The following SHISA5 variants were observed in gnomAD, a reference collection of about 807,000 sequenced individuals.
SHISA5 encodes the protein shisa family member 5, also known as protein shisa-5.
SHISA5 carries 21 observed loss-of-function variants against 27.5 expected under a neutral mutation model. The observed-to-expected ratio is 0.76, with a 90% CI of 0.54 to 1.10. The LOEUF (loss-of-function observed/expected upper bound fraction) is 1.10, where lower values mean the gene tolerates loss of function less well. Ranked by LOEUF, SHISA5 falls within the 50% of genes least tolerant of loss-of-function variation. The pLI, the probability that SHISA5 is intolerant of heterozygous loss-of-function variation, is 0.00. For synonymous variants in SHISA5, 137 were observed against 142.2 expected (o/e 0.96, Z 0.26); for missense variants, 314 against 336.3 (o/e 0.93, Z 0.52).
chr3:48,492,116 C>CCA (rs2041446399), intron 2 of SHISA5, among the ~76,000 whole-genome samples: 1 of 133,772 alleles, frequency 7.5e-6, no homozygotes, highest in South Asian at 2.3e-4. Context: ...TTGTGCCACT[C>CCA]CACTCCAGCC....
At chr3:48,498,150 A>C (rs1490035527) in intron 2 of SHISA5, among the ~76,000 whole-genome samples, 2 of 152,220 alleles carry the variant, frequency 1.3e-5, no homozygotes, top group African/African-American at 4.8e-5. Context: ...ATTTGACATA[A>C]TTCAACATCC....
In SHISA5 at chr3:48,469,856, T is replaced by C; in HGVS notation, c.315-13A>G. 1 of 1,610,356 alleles carries C rather than the reference T, an allele frequency of 6.2e-7. No homozygotes were observed. The highest frequency in any genetic ancestry group is 1.7e-5 in the Admixed American group (1 of 59,270). On this transcript the variant is annotated splice_polypyrimidine_tract_variant and intron_variant, in intron 3 of 5. Coordinates refer to ENST00000296444, the MANE Select transcript of SHISA5 (RefSeq NM_016479.6). This position sits in a 1 kb window ranked among gnomAD's most constrained non-coding sequence, Gnocchi z 4.6. ...GGTCGCTCCGAACCTGCCAAAGAGC[T>C]AGACGTGACCCGGGGCACCTCGCCC...
At chr3:48,478,167 C>T (rs2040884074) in intron 3 of SHISA5, among the ~76,000 whole-genome samples, 1 of 152,232 alleles carries the variant, frequency 6.6e-6, no homozygotes, top group Non-Finnish European at 1.5e-5. Context: ...ACAGCCGCTC[C>T]TGGGCTCCTG....
chr3:48,478,270 G>A (rs541695728), intron 3 of SHISA5, among the ~76,000 whole-genome samples: 42 of 152,258 alleles, frequency 2.8e-4, no homozygotes, highest in Admixed American at 1.8e-3. Flanking sequence ...CCTCCTCCAC[G>A]CACAGGAGCC....
At position 48,468,405 on chromosome 3, in the gene SHISA5, T is replaced by G; in HGVS notation, c.*702A>C. On this transcript the variant is annotated 3_prime_UTR_variant, in exon 6 of 6. Coordinates refer to ENST00000296444, the MANE Select transcript of SHISA5 (RefSeq NM_016479.6). ...TGTGTGCATGTGGCCCTCCAGCTGGTCCCAGGGGAGATGCGGGGACAGGGG... is the reference window on the plus strand; with the variant it reads ...TGTGTGCATGTGGCCCTCCAGCTGGGCCCAGGGGAGATGCGGGGACAGGGG... The G allele has an allele frequency of 9.0e-7, 1 of 1,111,244 alleles. No homozygotes were observed. Among genetic ancestry groups the G allele is most frequent in the Non-Finnish European group, 1.1e-6 (1 of 902,678 alleles). The allele number at this position is 1,111,244 out of a possible 1,614,324, so 68.8% of individuals were successfully genotyped here.
At chr3:48,484,842 G>T (rs1202713920) in intron 2 of SHISA5, among the ~76,000 whole-genome samples, 1 of 152,178 alleles carries the variant, frequency 6.6e-6, no homozygotes, top group Non-Finnish European at 1.5e-5. Flanking sequence ...GCAGTGAGCC[G>T]AGATGGCGCC....
Position 48,502,060 on chromosome 3 carries a change from G to A in SHISA5, c.77-767C>T, listed in dbSNP as rs139516920. ...TATTTTTTAGTACAGACAGAGTTTC[G>A]CCATGTTGGCCAGGCTGGTCTTGAA... On this transcript the variant is annotated intron_variant, in intron 1 of 5. Transcript: ENST00000296444. Among the ~76,000 whole-genome samples the A allele has an allele frequency of 3.2e-3, 492 of 152,018 alleles. 1 individual carries two copies. The highest frequency in any genetic ancestry group is 4.5e-3 in the Non-Finnish European group (305 of 67,950).
chr3:48,482,952 G>T (rs1304759816), intron 2 of SHISA5, among the ~76,000 whole-genome samples: 1 of 150,524 alleles, frequency 6.6e-6, no homozygotes, highest in Non-Finnish European at 1.5e-5. Flanking sequence ...TTGACACAGG[G>T]TCTCATCTGT....
chr3:48,471,937 C>G (rs2040642260), intron 3 of SHISA5, among the ~76,000 whole-genome samples: 1 of 150,934 alleles, frequency 6.6e-6, no homozygotes, highest in Non-Finnish European at 1.5e-5. Flanking sequence ...GGTGGCAACA[C>G]TTCTAGAGGC....
intron 2 of SHISA5, among the ~76,000 whole-genome samples, chr3:48,479,976 T>C (rs1438578181): frequency 4.0e-5 from 6 of 150,736 alleles, no homozygotes; most frequent in Non-Finnish European, 7.4e-5. Context: ...CGATCTCGGC[T>C]CACTGCAAGC....
At position 48,469,346 on chromosome 3, in the gene SHISA5, G is replaced by A; in HGVS notation, c.643+15C>T. ...CGGGAAGTCGGGCAGGGCTAGAGTT[G>A]GCAGGGGCACTCACCAGCCAGGGTC... On this transcript the variant is annotated intron_variant, in intron 5 of 5. Transcript: ENST00000296444. The surrounding 1 kb of genome is among the most constrained non-coding windows in gnomAD (Gnocchi z 4.6). 6.3e-7 allele frequency: 1 copy of A among 1,577,016 alleles called. No individual in the cohort carries two copies. The highest frequency in any genetic ancestry group is 8.6e-7 in the Non-Finnish European group (1 of 1,159,562).
Position 48,469,832 on chromosome 3 carries a change from G to T in SHISA5, c.326C>A (p.Thr109Asn). 18 of 1,613,640 alleles carry T rather than the reference G, an allele frequency of 1.1e-5. No individual in the cohort carries two copies. Among genetic ancestry groups the T allele is most frequent in the Non-Finnish European group, 1.5e-5 (18 of 1,179,792 alleles). Residue 109 changes from threonine to asparagine, a missense_variant, in exon 4 of 6, where the codon ACC becomes AAC. By Grantham distance (65) the Thr-to-Asn change is moderately conservative (BLOSUM62 0). Coordinates refer to ENST00000296444, the MANE Select transcript of SHISA5 (RefSeq NM_016479.6). This position sits in a 1 kb window ranked among gnomAD's most constrained non-coding sequence, Gnocchi z 4.6. ...AAAGATGGTCAGGCCAACGGCCAAGGTCGCTCCGAACCTGCCAAAGAGCTA... is the reference window on the plus strand; with the variant it reads ...AAAGATGGTCAGGCCAACGGCCAAGTTCGCTCCGAACCTGCCAAAGAGCTA... ...YNDPMSGFGA[T>N]LAVGLTIFVL...
chr3:48,499,286 T>C (rs2041679361), intron 2 of SHISA5, among the ~76,000 whole-genome samples: 1 of 152,116 alleles, frequency 6.6e-6, no homozygotes, highest in African/African-American at 2.4e-5. Context: ...GTGATCCTCC[T>C]ACCTCAGCTT....
At position 48,495,001 on chromosome 3, in the gene SHISA5, C is replaced by T. The variant is rs953340369; in HGVS notation, c.233+6136G>A. On this transcript the variant is annotated intron_variant, in intron 2 of 5. Transcript: ENST00000296444. ...TTTTTTTTCTTTTTAGAGACTGAGT[C>T]TTGCTATGTTGCCCAGGCTAGCCTC... Among the ~76,000 whole-genome samples, 266 of 146,438 alleles carry T rather than the reference C, an allele frequency of 1.8e-3. 43 individuals are homozygous for T. The highest frequency in any genetic ancestry group is 6.8e-3 in the African/African-American group (249 of 36,606).
intron 1 of SHISA5, chr3:48,503,788 G>A: frequency 8.0e-7 from 1 of 1,255,032 alleles, no homozygotes; most frequent in South Asian, 3.0e-5. Flanking sequence ...ACCGTTCCAG[G>A]ACAGACAAAG....
At position 48,470,835 on chromosome 3, in the gene SHISA5, G is replaced by T. The variant is rs945979041; in HGVS notation, c.315-992C>A. Reference sequence around the variant, plus strand: ...CCAGCTACTTGGGAGGCTGAGGCAGGAGAATCGCTTGAACCCGAGAGGCAG... The same window carrying T: ...CCAGCTACTTGGGAGGCTGAGGCAGTAGAATCGCTTGAACCCGAGAGGCAG... On this transcript the variant is annotated intron_variant, in intron 3 of 5. Transcript: ENST00000296444. The surrounding 1 kb of genome is among the most constrained non-coding windows in gnomAD (Gnocchi z 4.3). Among the ~76,000 whole-genome samples the T allele has an allele frequency of 2.0e-5, 3 of 152,002 alleles. No individual in the cohort carries two copies. The highest frequency in any genetic ancestry group is 4.4e-5 in the Non-Finnish European group (3 of 67,996).
Position 48,473,217 on chromosome 3 carries a change from GC to G in SHISA5, c.315-3375del. ...ACAGGATGGCCCCGCCCAGCAGCCG[GC>G]TAGCAGCCAAGGAGCCAAGGGGCGG... On this transcript the variant is annotated intron_variant, in intron 3 of 5. Transcript: ENST00000296444. The surrounding 1 kb of genome is among the most constrained non-coding windows in gnomAD (Gnocchi z 4.3). The G allele has an allele frequency of 2.1e-6, 3 of 1,427,188 alleles. No individual in the cohort carries two copies. The highest frequency in any genetic ancestry group is 2.7e-6 in the Non-Finnish European group (3 of 1,094,032). 88.4% of individuals were successfully genotyped at this position (1,427,188 alleles called of 1,614,324 possible). A position where few individuals can be genotyped will look rare whatever the true frequency, so the allele number is the denominator to read the frequency against.
chr3:48,482,906 T>C (rs1575317388), intron 2 of SHISA5, among the ~76,000 whole-genome samples: 1 of 152,030 alleles, frequency 6.6e-6, no homozygotes, highest in East Asian at 1.9e-4. Flanking sequence ...ATTCTAGGAT[T>C]ACAGGTGTGA....
intron 1 of SHISA5, chr3:48,503,250 A>G: frequency 9.0e-7 from 1 of 1,112,036 alleles, no homozygotes; most frequent in Non-Finnish European, 1.2e-6. Flanking sequence ...ATGCTCTCTG[A>G]CCCCCAGACC....
Sources: allele counts gnomAD v4.1 joint callset (sites outside exome capture counted in the v4.1 genomes callset), GRCh38; gene constraint gnomAD v4.1.1; non-coding constraint Gnocchi (gnomAD v3.1); transcripts MANE v1.5; gene names NCBI Gene and HGNC (gene_info 2026-07-23, HGNC 2026-07-21).